LPCAT1: variants seen among roughly 807,000 people sequenced by gnomAD.
The protein encoded by LPCAT1 is 1-acylglycerol-3-phosphate O-acyltransferase.
A neutral mutation model predicts 60.9 loss-of-function variants in LPCAT1; 23 were observed. The ratio of observed to expected loss-of-function variants is 0.38; its 90% CI spans 0.27 to 0.53. The LOEUF (loss-of-function observed/expected upper bound fraction) is 0.53, where lower values mean the gene tolerates loss of function less well. LPCAT1 is among the 20% of genes least tolerant of loss of function. LPCAT1 has a pLI of 0.82. For synonymous variants in LPCAT1, 340 were observed against 301.1 expected (o/e 1.13, Z -1.34); for missense variants, 622 against 723.6 (o/e 0.86, Z 1.61).
chr5:1,505,845 A>G (rs1736169602), intron 1 of LPCAT1, among the ~76,000 whole-genome samples: 1 of 151,982 alleles, frequency 6.6e-6, no homozygotes, highest in South Asian at 2.1e-4. Flanking sequence ...TGAACAAGCG[A>G]CCCTCTGCAC....
intron 1 of LPCAT1, among the ~76,000 whole-genome samples, chr5:1,504,253 T>C (rs1736113708): frequency 6.6e-6 from 1 of 152,272 alleles, no homozygotes; most frequent in Admixed American, 6.5e-5. Flanking sequence ...TAGTTTTAAA[T>C]ATTTCATCCA....
intron 12 of LPCAT1, among the ~76,000 whole-genome samples, chr5:1,470,037 T>G (rs1734603231): frequency 1.3e-5 from 2 of 152,250 alleles, no homozygotes; most frequent in South Asian, 4.1e-4. Context: ...GAGGGTGTGC[T>G]GGCATCAGAA....
chr5:1,466,762 C>T lies in LPCAT1; in HGVS notation c.1407G>A (p.Gly469=). 1 of 1,611,932 alleles carries T rather than the reference C, an allele frequency of 6.2e-7. No individual in the cohort carries two copies. Among genetic ancestry groups the T allele is most frequent in the Non-Finnish European group, 8.5e-7 (1 of 1,178,738 alleles). The stretch of plus-strand genomic sequence containing the variant: ...CTGCGGGCTCACCGAATGTGATCTT[C>T]CCCTTCTCCTCTTGGTCAATGGCTC... The part of the protein sequence containing the change: ...LFRAIDQEEK[G]KITFADFHRF... Residue 469 remains glycine, a synonymous_variant, in exon 13 of 14, where the codon GGG becomes GGA. Coordinates refer to ENST00000283415, the MANE Select transcript of LPCAT1 (RefSeq NM_024830.5).
chr5:1,520,846 G>C (rs1736649547), intron 1 of LPCAT1, among the ~76,000 whole-genome samples: 1 of 113,502 alleles, frequency 8.8e-6, no homozygotes, highest in Admixed American at 1.2e-4. Flanking sequence ...CTGGGCGACA[G>C]AGAGAGACTG....
intron 1 of LPCAT1, among the ~76,000 whole-genome samples, chr5:1,513,040 G>C (rs1039823517): frequency 1.4e-4 from 22 of 152,194 alleles, no homozygotes; most frequent in African/African-American, 4.8e-4. Context: ...CAGGAGTAGA[G>C]AGTGCAGAGC....
intron 1 of LPCAT1, among the ~76,000 whole-genome samples, chr5:1,520,860 C>CAAAAAAAAAAAAAAAAAAAA (rs59074953): frequency 2.4e-5 from 2 of 82,046 alleles, no homozygotes; most frequent in African/African-American, 4.9e-5. Context: ...GAGACTGTCT[C>CAAAAAAAAAAAAAAAAAAAA]AAAAAAAAAA....
At chr5:1,464,235 G>A (rs902229051) in intron 13 of LPCAT1, among the ~76,000 whole-genome samples, 1 of 152,200 alleles carries the variant, frequency 6.6e-6, no homozygotes, top group Non-Finnish European at 1.5e-5. Context: ...CGTCCACCCT[G>A]GGAGACCCGG....
intron 9 of LPCAT1, among the ~76,000 whole-genome samples, chr5:1,475,872 G>A (rs1194559867): frequency 3.3e-5 from 5 of 149,852 alleles, no homozygotes; most frequent in Non-Finnish European, 7.4e-5. Context: ...TCTCCACTCC[G>A]AGTGGGGCTG....
rs146679418 is a variant in LPCAT1 at position 1,521,967 on chromosome 5, C to A, written c.135+1743G>T. ...ACTTTTGGACAGAACACACCTCAAC[C>A]GGGGGCTGCAACTATGACAGGGATG... is the stretch of plus-strand genomic sequence containing the variant. On this transcript the variant is annotated intron_variant, in intron 1 of 13. Coordinates refer to ENST00000283415, the MANE Select transcript of LPCAT1 (RefSeq NM_024830.5). The surrounding 1 kb of genome is among the most constrained non-coding windows in gnomAD (Gnocchi z 4.3). 6.8e-4 allele frequency among the ~76,000 whole-genome samples: 104 copies of A among 152,312 alleles called. 1 individual carries two copies. Among genetic ancestry groups the A allele is most frequent in the African/African-American group, 2.4e-3 (99 of 41,580 alleles).
At chr5:1,464,139 C>A (rs1734226836) in intron 13 of LPCAT1, among the ~76,000 whole-genome samples, 1 of 152,228 alleles carries the variant, frequency 6.6e-6, no homozygotes, top group Non-Finnish European at 1.5e-5. Flanking sequence ...GGACTTAGCA[C>A]TTCTGAGGCA....
intron 13 of LPCAT1, among the ~76,000 whole-genome samples, chr5:1,464,797 C>T (rs1260608146): frequency 3.3e-5 from 5 of 150,618 alleles, no homozygotes; most frequent in African/African-American, 1.2e-4. Flanking sequence ...CGCGCACACA[C>T]ACAAAACAAG....
chr5:1,495,340 G>T lies in LPCAT1; in HGVS notation c.279-426C>A, dbSNP rs1042160419. Among the ~76,000 whole-genome samples the T allele has an allele frequency of 2.6e-5, 4 of 151,466 alleles. No homozygotes were observed. The highest frequency in any genetic ancestry group is 6.6e-5 in the Admixed American group (1 of 15,214). On this transcript the variant is annotated intron_variant, in intron 2 of 13. Coordinates refer to ENST00000283415, the MANE Select transcript of LPCAT1 (RefSeq NM_024830.5). This position sits in a 1 kb window ranked among gnomAD's most constrained non-coding sequence, Gnocchi z 4.7. ...ACGCATATCGCAATATGGGGGGGGG[G>T]GCGCTCAGAGCTGAGGGCGGAAGCT...
chr5:1,514,482 G>A lies in LPCAT1; in HGVS notation c.135+9228C>T, dbSNP rs114942187. Among the ~76,000 whole-genome samples the A allele has an allele frequency of 2.2e-3, 342 of 152,314 alleles. 1 individual carries two copies. Among genetic ancestry groups the A allele is most frequent in the African/African-American group, 7.7e-3 (321 of 41,570 alleles). ...CCCCAGGCTGTGTCCCAGGACACTG[G>A]GAGTCTGCTCCGCACTGGGGGACTC... On this transcript the variant is annotated intron_variant, in intron 1 of 13. Coordinates refer to ENST00000283415, the MANE Select transcript of LPCAT1 (RefSeq NM_024830.5).
At chr5:1,503,953 TGCCAGATATTTTTCTATTTTATCA>T (rs906276192) in intron 1 of LPCAT1, among the ~76,000 whole-genome samples, 6 of 152,216 alleles carry the variant, frequency 3.9e-5, no homozygotes, top group African/African-American at 1.4e-4. Context: ...AAACCTACGT[TGCCAGATATTTTTCTATTTTATCA>T]GTCTTCTTAC....
chr5:1,469,020 AG>A (rs1435145990), intron 12 of LPCAT1, among the ~76,000 whole-genome samples: 1 of 152,258 alleles, frequency 6.6e-6, no homozygotes, highest in African/African-American at 2.4e-5. Flanking sequence ...GGCTGCAGAA[AG>A]GGACATGGGG....
intron 3 of LPCAT1, among the ~76,000 whole-genome samples, chr5:1,493,958 C>G (rs1234861024): frequency 1.3e-5 from 2 of 152,368 alleles, no homozygotes; most frequent in East Asian, 3.9e-4. Context: ...GCCAGTCGAC[C>G]ACTGAGGCAG....
Position 1,483,369 on chromosome 5 carries a change from G to T in LPCAT1, c.726+59C>A. ...AGACACAGGTGCACAGAGGCAGCTC[G>T]CAGTTCCCGTTTCCCGGAGAATTCC... On this transcript the variant is annotated intron_variant, in intron 6 of 13. Coordinates refer to ENST00000283415, the MANE Select transcript of LPCAT1 (RefSeq NM_024830.5). This position sits in a 1 kb window ranked among gnomAD's most constrained non-coding sequence, Gnocchi z 9.2. The T allele has an allele frequency of 6.5e-7, 1 of 1,542,220 alleles. No individual in the cohort carries two copies. The highest frequency in any genetic ancestry group is 1.1e-5 in the South Asian group (1 of 89,732).
chr5:1,468,059 G>A (rs1206958392), intron 12 of LPCAT1, among the ~76,000 whole-genome samples: 1 of 152,060 alleles, frequency 6.6e-6, no homozygotes, highest in South Asian at 2.1e-4. Flanking sequence ...CACCTCCACC[G>A]GCTCCTCCTT....
rs1736716726 is a variant in LPCAT1, at chr5:1,522,913, A to AGC, written c.135+795_135+796dup. Among the ~76,000 whole-genome samples, 1 of 152,140 alleles carries AGC rather than the reference A, an allele frequency of 6.6e-6. No individual in the cohort carries two copies. Among genetic ancestry groups the AGC allele is most frequent in the Non-Finnish European group, 1.5e-5 (1 of 68,014 alleles). On this transcript the variant is annotated intron_variant, in intron 1 of 13. Transcript: ENST00000283415. The surrounding 1 kb of genome is among the most constrained non-coding windows in gnomAD (Gnocchi z 6.8). ...ATCCCCGGTGCAGCTTCCTGCAGCGAGCGGCCCCCTCCCCACGACGCCCCC... is the reference window on the plus strand; with the variant it reads ...ATCCCCGGTGCAGCTTCCTGCAGCGAGCGCGGCCCCCTCCCCACGACGCCCCC...
Sources: gnomAD v4.1 joint callset for allele counts (sites outside exome capture counted in the v4.1 genomes callset) on GRCh38, gnomAD v4.1.1 for gene constraint, Gnocchi (gnomAD v3.1) non-coding constraint, MANE v1.5 for transcripts, NCBI Gene and HGNC (gene_info 2026-07-23, HGNC 2026-07-21) for gene names.